CACNA2D2: variants seen among roughly 807,000 people sequenced by gnomAD.
CACNA2D2 encodes the protein calcium voltage-gated channel auxiliary subunit alpha2delta 2, also known as voltage-dependent calcium channel subunit alpha-2/delta-2.
In CACNA2D2, 48 loss-of-function variants were observed where a neutral mutation model predicts 166.4. The ratio of observed to expected loss-of-function variants is 0.29; its 90% CI spans 0.23 to 0.37. The LOEUF is 0.37. Among genes scored for constraint, CACNA2D2 ranks in the 10% least tolerant of loss-of-function variants. The probability of loss-of-function intolerance (pLI) is 1.00; values close to 1 mark genes in which losing one functional copy is unlikely to be tolerated. For missense variants in CACNA2D2, 1,122 were observed against 1,433.0 expected, an observed-to-expected ratio of 0.78 and a Z score of 3.50; for synonymous variants, 561 against 573.7, an observed-to-expected ratio of 0.98 and a Z score of 0.32.
In CACNA2D2 at chr3:50,377,537, T is replaced by A; in HGVS notation, c.1556A>T (p.Gln519Leu). 6.2e-7 allele frequency: 1 copy of A among 1,613,360 alleles called. No individual in the cohort carries two copies. The highest frequency in any genetic ancestry group is 8.5e-7 in the Non-Finnish European group (1 of 1,179,960). Reference protein sequence around the residue: ...TQDGPGEKKNQLILGVMGIDV... With the variant: ...TQDGPGEKKNLLILGVMGIDV... Reference sequence around the variant, plus strand: ...AATGCCCATCACGCCCAGGATCAGCTGGTTCTGGGAGCAGAAGCATGGGGG... The same window carrying A: ...AATGCCCATCACGCCCAGGATCAGCAGGTTCTGGGAGCAGAAGCATGGGGG... Residue 519 changes from glutamine to leucine, a missense_variant, in exon 17 of 38, where the codon CAG (glutamine) becomes CTG (leucine). Coordinates refer to ENST00000424201, the MANE Select transcript of CACNA2D2 (RefSeq NM_006030.4).
chr3:50,464,391 T>C (rs191198579), intron 2 of CACNA2D2, among the ~76,000 whole-genome samples: 2 of 152,312 alleles, frequency 1.3e-5, no homozygotes, highest in East Asian at 1.9e-4. Flanking sequence ...CTGAAAATCA[T>C]GCAGGTGGGA....
intron 2 of CACNA2D2, among the ~76,000 whole-genome samples, chr3:50,461,244 T>C (rs1709571517): frequency 1.3e-5 from 2 of 152,212 alleles, no homozygotes; most frequent in African/African-American, 4.8e-5. Flanking sequence ...GGAATCTGAA[T>C]GACTGGGGAC....
chr3:50,410,879 G>A (rs974986701), intron 3 of CACNA2D2, among the ~76,000 whole-genome samples: 1 of 152,226 alleles, frequency 6.6e-6, no homozygotes, highest in African/African-American at 2.4e-5. Flanking sequence ...AGAGAAGGAG[G>A]ATGTGTGTGT....
rs371404944 is a variant in CACNA2D2 at position 50,365,969 on chromosome 3, C to T, written c.2862+42G>A. ...GGGGGTCATCTGTGGGCAGGTCTCC[C>T]AGTCCCCCCCATCTCCAGTCCAGGC... On this transcript the variant is annotated intron_variant, in intron 32 of 37. Coordinates refer to ENST00000424201, the MANE Select transcript of CACNA2D2 (RefSeq NM_006030.4). This position sits in a 1 kb window ranked among gnomAD's most constrained non-coding sequence, Gnocchi z 4.5. 10 of 1,610,256 alleles carry T rather than the reference C, an allele frequency of 6.2e-6. No individual in the cohort carries two copies. The African/African-American group carries it at 1.2e-4, about 19-fold the overall frequency.
rs2109401612 is a variant in CACNA2D2, at chr3:50,365,875, G to A, written c.2863-13C>T. On this transcript the variant is annotated splice_polypyrimidine_tract_variant and intron_variant, in intron 32 of 37. Transcript: ENST00000424201. The surrounding 1 kb of genome is among the most constrained non-coding windows in gnomAD (Gnocchi z 4.5). ...CTGCAACGGTGGGCTGCAGTGGAGA[G>A]AGGGGCGTGGACTGCCACTGCTGCC... The A allele has an allele frequency of 1.9e-6, 3 of 1,613,036 alleles. No homozygotes were observed. The highest frequency in any genetic ancestry group is 2.2e-5 in the East Asian group (1 of 44,886).
At chr3:50,368,707 C>A (rs192904375) in intron 23 of CACNA2D2, among the ~76,000 whole-genome samples, 1 of 152,190 alleles carries the variant, frequency 6.6e-6, no homozygotes, top group Non-Finnish European at 1.5e-5. Flanking sequence ...GCTCTCTGAC[C>A]CTCGCTTTTT....
At chr3:50,468,942 C>G (rs1229119648) in intron 2 of CACNA2D2, among the ~76,000 whole-genome samples, 1 of 151,788 alleles carries the variant, frequency 6.6e-6, no homozygotes, top group East Asian at 1.9e-4. Flanking sequence ...AATTTTCCTG[C>G]CTCAGCATCC....
At chr3:50,494,966 G>A (rs748318082) in intron 1 of CACNA2D2, among the ~76,000 whole-genome samples, 4 of 152,208 alleles carry the variant, frequency 2.6e-5, no homozygotes, top group Non-Finnish European at 5.9e-5. Flanking sequence ...GTCAGCCACT[G>A]CACCCGGCTG....
At chr3:50,384,464 T>C (rs1232916245) in intron 5 of CACNA2D2, 127 bp from the exon 6 acceptor site, 6 of 1,093,796 alleles carry the variant, frequency 5.5e-6, no homozygotes, top group Non-Finnish European at 5.3e-6. Context: ...AGAGAGACTA[T>C]TGCAGTAGGA....
intron 2 of CACNA2D2, among the ~76,000 whole-genome samples, chr3:50,457,925 G>A (rs1458228735): frequency 1.3e-5 from 2 of 152,184 alleles, no homozygotes; most frequent in African/African-American, 2.4e-5. Flanking sequence ...TGGCCTTGGG[G>A]AGGCTCAGAG....
At chr3:50,494,336 G>A (rs558206896) in intron 1 of CACNA2D2, among the ~76,000 whole-genome samples, 34 of 152,246 alleles carry the variant, frequency 2.2e-4, no homozygotes, top group Admixed American at 5.2e-4. Context: ...CAAATGCAGC[G>A]TTTTAGGCGG....
intron 2 of CACNA2D2, among the ~76,000 whole-genome samples, chr3:50,448,221 T>C (rs1318791201): frequency 1.3e-5 from 2 of 152,116 alleles, no homozygotes; most frequent in African/African-American, 2.4e-5. Flanking sequence ...CTCTGCAGGG[T>C]TGCCCTGCAA....
At chr3:50,388,612 A>T (rs188641638) in intron 4 of CACNA2D2, among the ~76,000 whole-genome samples, 1 of 152,284 alleles carries the variant, frequency 6.6e-6, no homozygotes, top group East Asian at 1.9e-4. Flanking sequence ...CACTCACACC[A>T]CCAGCGCAGA....
At chr3:50,494,109 A>G (rs1698630011) in intron 1 of CACNA2D2, among the ~76,000 whole-genome samples, 1 of 152,070 alleles carries the variant, frequency 6.6e-6, no homozygotes, top group African/African-American at 2.4e-5. Context: ...GTCCAAGGAG[A>G]GATACAAAGA....
In CACNA2D2 at chr3:50,367,386, A is replaced by G; in HGVS notation, c.2401+8T>C. On this transcript the variant is annotated splice_region_variant and intron_variant, in intron 27 of 37. Coordinates refer to ENST00000424201, the MANE Select transcript of CACNA2D2 (RefSeq NM_006030.4). The surrounding 1 kb of genome is among the most constrained non-coding windows in gnomAD (Gnocchi z 6.5). ...GCCTGCTGCTGGGCACACTGCGGGG[A>G]CACTCACCATCCTGGTGTGGGGGCT... 1 of 1,611,936 alleles carries G rather than the reference A, an allele frequency of 6.2e-7. No individual in the cohort carries two copies.
chr3:50,501,283 G>A (rs1283674927), intron 1 of CACNA2D2, among the ~76,000 whole-genome samples: 1 of 152,130 alleles, frequency 6.6e-6, no homozygotes, highest in Non-Finnish European at 1.5e-5. Flanking sequence ...TCGTCTGCGG[G>A]ACCAGGGCAG....
chr3:50,409,062 C>A (rs920179416), intron 3 of CACNA2D2, among the ~76,000 whole-genome samples: 1 of 152,242 alleles, frequency 6.6e-6, no homozygotes, highest in African/African-American at 2.4e-5. Context: ...GAGGGAGAGA[C>A]CCTTCTAGTG....
At chr3:50,383,946 G>A (rs1705454391) in intron 6 of CACNA2D2, among the ~76,000 whole-genome samples, 1 of 152,248 alleles carries the variant, frequency 6.6e-6, no homozygotes, top group South Asian at 2.1e-4. Context: ...GTGGGCAGGA[G>A]ACCATGCATG....
chr3:50,467,438 TC>T lies in CACNA2D2; in HGVS notation c.288+8679del, dbSNP rs533514375. Among the ~76,000 whole-genome samples the T allele has an allele frequency of 2.6e-5, 4 of 152,282 alleles. No individual in the cohort carries two copies. In the South Asian group the frequency reaches 8.3e-4, roughly 32 times the overall value. ...GGGACAGAGTCAGAGCCGGGATCTG[TC>T]CCTTTTCAGTCCTCAGAGCACTGCC... On this transcript the variant is annotated intron_variant, in intron 2 of 37. Coordinates refer to ENST00000424201, the MANE Select transcript of CACNA2D2 (RefSeq NM_006030.4).
Sources: allele counts gnomAD v4.1 joint callset (sites outside exome capture counted in the v4.1 genomes callset), GRCh38; gene constraint gnomAD v4.1.1; non-coding constraint Gnocchi (gnomAD v3.1); transcripts MANE v1.5; gene names NCBI Gene and HGNC (gene_info 2026-07-23, HGNC 2026-07-21).